ENTREP2: variants seen among roughly 807,000 people sequenced by gnomAD.
ENTREP2 encodes protein ENTREP2.
At chr15:29,283,430 C>A in the ENTREP2 span, among the ~76,000 whole-genome samples, 30 of 152,222 alleles carry the variant, frequency 2.0e-4, no homozygotes, top group Admixed American at 1.7e-3. Context: ...CTCACTGTAA[C>A]CTTGAACTTC....
At chr15:29,481,049 A>G in the ENTREP2 span, among the ~76,000 whole-genome samples, 1 of 152,314 alleles carries the variant, frequency 6.6e-6, no homozygotes, top group South Asian at 2.1e-4. Context: ...GTGGAGAAGG[A>G]GTGCTGCCTT....
chr15:29,223,995 A>G, the ENTREP2 span, among the ~76,000 whole-genome samples: 4 of 152,184 alleles, frequency 2.6e-5, no homozygotes, highest in African/African-American at 7.2e-5. Flanking sequence ...AAGTGTGTCC[A>G]GAATTGATGG....
the ENTREP2 span, among the ~76,000 whole-genome samples, chr15:29,644,309 C>G: frequency 6.6e-6 from 1 of 152,058 alleles, no homozygotes; most frequent in Non-Finnish European, 1.5e-5. Flanking sequence ...TGCAGAGTTC[C>G]TCTTGGGAAA....
chr15:29,193,477 G>A, the ENTREP2 span, among the ~76,000 whole-genome samples: 14 of 152,298 alleles, frequency 9.2e-5, no homozygotes, highest in Non-Finnish European at 1.3e-4. Context: ...ACCACTCCCC[G>A]CAGGTTCTTG....
the ENTREP2 span, among the ~76,000 whole-genome samples, chr15:29,611,717 C>A: frequency 1.3e-5 from 2 of 152,266 alleles, no homozygotes; most frequent in African/African-American, 4.8e-5. Context: ...GTTTTCTGCT[C>A]CTCCCAAACC....
At chr15:29,441,762 T>C in the ENTREP2 span, among the ~76,000 whole-genome samples, 1 of 151,844 alleles carries the variant, frequency 6.6e-6, no homozygotes, top group Non-Finnish European at 1.5e-5. Context: ...CCATCACCAG[T>C]TTTTTCTTGG....
At chr15:29,384,813 A>G in the ENTREP2 span, among the ~76,000 whole-genome samples, 2 of 152,058 alleles carry the variant, frequency 1.3e-5, no homozygotes, top group African/African-American at 4.8e-5. Flanking sequence ...GTTGAGGGCC[A>G]CATTCCGGGG....
the ENTREP2 span, among the ~76,000 whole-genome samples, chr15:29,133,852 A>T: frequency 5.4e-4 from 82 of 152,310 alleles, no homozygotes; most frequent in African/African-American, 1.8e-3. Context: ...CACCACACCC[A>T]GACAGGTCAA....
chr15:29,363,862 C>T, the ENTREP2 span, among the ~76,000 whole-genome samples: 1 of 152,306 alleles, frequency 6.6e-6, no homozygotes, highest in African/African-American at 2.4e-5. Context: ...ATTACCACCA[C>T]TCCGGGGACA....
chr15:29,360,964 C>T, the ENTREP2 span, among the ~76,000 whole-genome samples: 18 of 152,334 alleles, frequency 1.2e-4, no homozygotes, highest in Non-Finnish European at 2.4e-4. Context: ...GACTCAACAA[C>T]CTGTTGGTGG....
the ENTREP2 span, among the ~76,000 whole-genome samples, chr15:29,231,875 G>GTTTTC: frequency 8.7e-6 from 1 of 115,456 alleles, no homozygotes; most frequent in African/African-American, 2.7e-5. Context: ...TGAGGAATAA[G>GTTTTC]TTTTCTTTTC....
chr15:29,184,216 C>G, the ENTREP2 span, among the ~76,000 whole-genome samples: 9 of 152,320 alleles, frequency 5.9e-5, no homozygotes, highest in South Asian at 6.2e-4. Flanking sequence ...AACTCCTGAG[C>G]TCAAGCGATC....
chr15:29,479,644 CTCTG>C, the ENTREP2 span, among the ~76,000 whole-genome samples: 27 of 150,388 alleles, frequency 1.8e-4, no homozygotes, highest in Admixed American at 4.0e-4. Flanking sequence ...CTCCCTCTCT[CTCTG>C]TCTGTCTCAC....
chr15:29,624,148 T>A, the ENTREP2 span, among the ~76,000 whole-genome samples: 1 of 152,224 alleles, frequency 6.6e-6, no homozygotes, highest in South Asian at 2.1e-4. Flanking sequence ...ATCCACGTTT[T>A]CGTGCACTCT....
the ENTREP2 span, among the ~76,000 whole-genome samples, chr15:29,275,543 T>C: frequency 7.2e-5 from 11 of 152,216 alleles, no homozygotes; most frequent in African/African-American, 2.4e-4. Context: ...CTTTAATTAC[T>C]AGACCCAAAA....
At chr15:29,375,552 C>A in the ENTREP2 span, 1 of 152,458 alleles carries the variant, frequency 6.6e-6, no homozygotes, top group African/African-American at 2.4e-5. Flanking sequence ...AACCTTCTCA[C>A]AACAGGAGGC....
the ENTREP2 span, among the ~76,000 whole-genome samples, chr15:29,474,063 G>A: frequency 3.3e-5 from 5 of 152,194 alleles, no homozygotes; most frequent in Non-Finnish European, 4.4e-5. Flanking sequence ...AGCACAGTGC[G>A]TGCTGCCCTA....
the ENTREP2 span, among the ~76,000 whole-genome samples, chr15:29,511,758 C>T: frequency 6.7e-6 from 1 of 149,754 alleles, no homozygotes; most frequent in Non-Finnish European, 1.5e-5. Flanking sequence ...CTTCCAGCCT[C>T]GAAGGGTGCT....
At chr15:29,453,534 C>T in the ENTREP2 span, among the ~76,000 whole-genome samples, 1 of 152,334 alleles carries the variant, frequency 6.6e-6, no homozygotes, top group South Asian at 2.1e-4. Context: ...ATAGACACCC[C>T]CACCGGCCAG....
Sources: allele counts gnomAD v4.1 joint callset (sites outside exome capture counted in the v4.1 genomes callset), GRCh38; gene constraint gnomAD v4.1.1; transcripts MANE v1.5; gene names NCBI Gene and HGNC (gene_info 2026-07-23, HGNC 2026-07-21).